IL13RA1: variants seen among roughly 807,000 people sequenced by gnomAD.
IL13RA1 encodes the protein interleukin 13 receptor subunit alpha 1.
IL13RA1 carries 14 observed loss-of-function variants against 33.8 expected under a neutral mutation model. That is an observed-to-expected ratio of 0.41 (90% CI 0.27 to 0.65). IL13RA1 has a LOEUF of 0.65. IL13RA1 is among the 30% of genes least tolerant of loss of function. The pLI is 0.28. For missense variants in IL13RA1, 313 were observed against 327.0 expected (o/e 0.96, Z 0.33); for synonymous variants, 116 against 115.7 (o/e 1.00, Z -0.02).
Position 118,766,962 on chromosome X carries a change from A to C in IL13RA1, c.995A>C (p.Gln332Pro). 8.9e-7 allele frequency: 1 copy of C among 1,125,571 alleles called. No homozygotes were observed. Among genetic ancestry groups the C allele is most frequent in the Non-Finnish European group, 1.2e-6 (1 of 824,228 alleles). 92.8% of individuals were successfully genotyped at this position (1,125,571 alleles called of 1,213,427 possible). A position where few individuals can be genotyped will look rare whatever the true frequency, so the allele number is the denominator to read the frequency against. ...GACAAACTCTGGAGTAATTGGAGCC[A>C]AGAAATGAGTATAGGTAAGAGAACA... ...EDDKLWSNWS[Q>P]EMSIGKKRNS... is the part of the protein sequence containing the mutation. Residue 332 changes from glutamine (Q) to proline (P), a missense_variant, in exon 8 of 11, where the codon CAA becomes CCA. Physicochemically the swap from Gln to Pro is moderately conservative, Grantham distance 76. Coordinates refer to ENST00000371666, the MANE Select transcript of IL13RA1 (RefSeq NM_001560.3).
At position 118,784,090 on chromosome X, in the gene IL13RA1, A is replaced by AATATATATATAT. The variant is rs1556372974; in HGVS notation, c.1191+7587_1191+7598dup. Among the ~76,000 whole-genome samples, 243 of 63,658 alleles carry AATATATATATAT rather than the reference A, an allele frequency of 3.8e-3. 2 individuals are homozygous for AATATATATATAT. Among genetic ancestry groups the AATATATATATAT allele is most frequent in the East Asian group, 0.019 (28 of 1,463 alleles). 55.3% of individuals were successfully genotyped at this position (63,658 alleles called of 115,157 possible). On this transcript the variant is annotated intron_variant, in intron 10 of 10. Transcript: ENST00000371666. Reference sequence around the variant, plus strand: ...AGACTCTGTCGCCAAAAAAAAAAAAAATATATATATATATATATACGTATA... The same window carrying AATATATATATAT: ...AGACTCTGTCGCCAAAAAAAAAAAAAATATATATATATATATATATATATATATATACGTATA...
chrX:118,784,332 T>G (rs1603222685), intron 10 of IL13RA1, among the ~76,000 whole-genome samples: 1 of 107,650 alleles, frequency 9.3e-6, no homozygotes, highest in African/African-American at 3.4e-5. Flanking sequence ...TAGTGATAAA[T>G]GGAGTAATAG....
intron 1 of IL13RA1, among the ~76,000 whole-genome samples, chrX:118,734,234 C>G (rs1265136599): frequency 8.9e-6 from 1 of 112,268 alleles, no homozygotes; most frequent in Non-Finnish European, 1.9e-5. Context: ...ATTAAGTGTT[C>G]TAATACGTGA....
chrX:118,733,198 T>C lies in IL13RA1; in HGVS notation c.88+5472T>C, dbSNP rs950347118. Among the ~76,000 whole-genome samples, 164 of 112,357 alleles carry C rather than the reference T, an allele frequency of 1.5e-3. 1 individual carries two copies. The highest frequency in any genetic ancestry group is 6.9e-4 in the Non-Finnish European group (37 of 53,268). ...TATTGTATCATATGATAATTCTATT[T>C]GTAATTTTTTTGAGGAACCACCATA... On this transcript the variant is annotated intron_variant, in intron 1 of 10. Coordinates refer to ENST00000371666, the MANE Select transcript of IL13RA1 (RefSeq NM_001560.3).
intron 4 of IL13RA1, among the ~76,000 whole-genome samples, chrX:118,757,599 G>A (rs1195286356): frequency 9.5e-6 from 1 of 105,639 alleles, no homozygotes; most frequent in African/African-American, 3.4e-5. Context: ...TGTACAATAG[G>A]GTTTTTTTAA....
chrX:118,754,559 C>G (rs183180931), intron 4 of IL13RA1, among the ~76,000 whole-genome samples: 1 of 110,188 alleles, frequency 9.1e-6, no homozygotes, highest in Non-Finnish European at 1.9e-5. Context: ...ATGGTGTGAA[C>G]CCGGGAGGCG....
chrX:118,790,791 C>T (rs1025736739), intron 10 of IL13RA1, among the ~76,000 whole-genome samples: 12 of 112,251 alleles, frequency 1.1e-4, no homozygotes, highest in Non-Finnish European at 1.7e-4. Context: ...AGTTGCACAA[C>T]CTGAGGCAGC....
In IL13RA1 at chrX:118,764,621, G is replaced by T. The variant is rs775337745; in HGVS notation, c.829-1909G>T. Reference sequence around the variant, plus strand: ...GTCAAAAATAATATCTATGTGTTCTGGTCTTGGTTCCAAGTTTAAACGTCT... The same window carrying T: ...GTCAAAAATAATATCTATGTGTTCTTGTCTTGGTTCCAAGTTTAAACGTCT... On this transcript the variant is annotated intron_variant, in intron 6 of 10. Coordinates refer to ENST00000371666, the MANE Select transcript of IL13RA1 (RefSeq NM_001560.3). Among the ~76,000 whole-genome samples the T allele has an allele frequency of 5.4e-5, 6 of 111,272 alleles. No individual in the cohort carries two copies. In the East Asian group the frequency reaches 1.1e-3, roughly 21 times the overall value.
intron 6 of IL13RA1, among the ~76,000 whole-genome samples, chrX:118,764,695 A>T (rs934599700): frequency 9.0e-6 from 1 of 111,436 alleles, no homozygotes; most frequent in Admixed American, 9.5e-5. Context: ...TGTGTTTTTT[A>T]CTCCATTTTG....
At chrX:118,744,977 G>A (rs1196366504) in intron 2 of IL13RA1, among the ~76,000 whole-genome samples, 1 of 111,568 alleles carries the variant, frequency 9.0e-6, no homozygotes, top group Admixed American at 9.5e-5. Flanking sequence ...AAGATATATG[G>A]GACTTGTGCT....
intron 6 of IL13RA1, among the ~76,000 whole-genome samples, chrX:118,762,519 T>A (rs2017600458): frequency 8.9e-6 from 1 of 112,143 alleles, no homozygotes. Flanking sequence ...CTTGCTAAAA[T>A]AAGCCAGTGT....
chrX:118,773,895 C>A lies in IL13RA1; in HGVS notation c.1026C>A (p.Ser342=). 9.7e-7 allele frequency: 1 copy of A among 1,029,830 alleles called. No homozygotes were observed. The highest frequency in any genetic ancestry group is 1.4e-6 in the Non-Finnish European group (1 of 730,899). 84.9% of individuals were successfully genotyped at this position (1,029,830 alleles called of 1,213,427 possible). A position where few individuals can be genotyped will look rare whatever the true frequency, so the allele number is the denominator to read the frequency against. Residue 342 remains serine (S), a synonymous_variant, in exon 9 of 11, where the codon TCC becomes TCA. Coordinates refer to ENST00000371666, the MANE Select transcript of IL13RA1 (RefSeq NM_001560.3). ...QEMSIGKKRN[S]TLYITMLLIV... The stretch of plus-strand genomic sequence containing the variant: ...ATTCTCCAGGTAAGAAGCGCAATTC[C>A]ACACTCTACATAACCATGTTACTCA...
chrX:118,769,987 C>T (rs2017694098), intron 8 of IL13RA1: 1 of 217,855 alleles, frequency 4.6e-6, no homozygotes, highest in African/African-American at 2.9e-5. Flanking sequence ...TGGAGTACAA[C>T]TACACCGGCG....
chrX:118,791,704 A>G (rs1215054702), intron 10 of IL13RA1, 58 bp from the exon 11 acceptor site: 3 of 531,571 alleles, frequency 5.6e-6, no homozygotes, highest in Non-Finnish European at 9.5e-6. Flanking sequence ...CTAAGTACTC[A>G]GGGAAAGAAC....
chrX:118,802,971 C>G, the IL13RA1 span, among the ~76,000 whole-genome samples: 1 of 112,037 alleles, frequency 8.9e-6, no homozygotes, highest in African/African-American at 3.2e-5. Context: ...AGCATCCTCT[C>G]TCCAGCTGCT....
At chrX:118,770,866 C>G (rs759469238) in intron 8 of IL13RA1, 1 of 260,358 alleles carries the variant, frequency 3.8e-6, no homozygotes, top group Non-Finnish European at 7.2e-6. Context: ...AGGGGTGATT[C>G]CAGCTTTCCA....
At chrX:118,765,267 T>C (rs1309984124) in intron 6 of IL13RA1, among the ~76,000 whole-genome samples, 1 of 109,316 alleles carries the variant, frequency 9.1e-6, no homozygotes, top group Non-Finnish European at 1.9e-5. Flanking sequence ...CCAGCTTTTT[T>C]TTTTTTTTTG....
At chrX:118,796,398 T>C (rs189931525), downstream of IL13RA1, among the ~76,000 whole-genome samples, 1 of 112,385 alleles carries the variant, frequency 8.9e-6, no homozygotes, top group East Asian at 2.8e-4. Context: ...TAGTCAGTGG[T>C]ATATTTACTT....
chrX:118,748,179 G>A (rs1211134696), intron 3 of IL13RA1, among the ~76,000 whole-genome samples: 1 of 101,733 alleles, frequency 9.8e-6, no homozygotes, highest in African/African-American at 3.6e-5. Flanking sequence ...GGGTAGGGCT[G>A]GGCCCCATCT....
Sources: gnomAD v4.1 joint callset for allele counts (sites outside exome capture counted in the v4.1 genomes callset) on GRCh38, gnomAD v4.1.1 for gene constraint, MANE v1.5 for transcripts, NCBI Gene and HGNC (gene_info 2026-07-23, HGNC 2026-07-21) for gene names.